Variants in PSMC3 observed in about 807,000 individuals in gnomAD.
The protein encoded by PSMC3 is proteasome 26S subunit, ATPase 3, also known as 26S proteasome regulatory subunit 6A.
In PSMC3, 11 loss-of-function variants were observed where a neutral mutation model predicts 52.0. The observed-to-expected ratio is 0.21, with a 90% CI of 0.13 to 0.35. The LOEUF (loss-of-function observed/expected upper bound fraction) is 0.35, where lower values mean the gene tolerates loss of function less well. PSMC3 is among the 10% of genes least tolerant of loss of function. PSMC3 has a pLI of 1.00. For synonymous variants in PSMC3, 201 were observed against 218.8 expected (o/e 0.92, Z 0.72); for missense variants, 238 against 567.1 (o/e 0.42, Z 5.89).
At position 47,424,046 on chromosome 11, in the gene PSMC3, C is replaced by T. The variant is rs751696824; in HGVS notation, c.591G>A (p.Glu197=). The part of the protein sequence containing the change: ...DIGGLDKQIQ[E]LVEAIVLPMN... ...CTGGCAGCTGCCGTGCCTCCCTCAC[C>T]TCCTGGATCTGCTTGTCCAAACCCC... Residue 197 remains glutamate (E), a splice_region_variant and synonymous_variant, in exon 6 of 12, where the codon GAG becomes GAA. Transcript: ENST00000298852. This position sits in a 1 kb window ranked among gnomAD's most constrained non-coding sequence, Gnocchi z 4.8. 6.2e-7 allele frequency: 1 copy of T among 1,614,200 alleles called. No individual in the cohort carries two copies. Among genetic ancestry groups the T allele is most frequent in the Non-Finnish European group, 8.5e-7 (1 of 1,180,054 alleles).
intron 11 of PSMC3, 78 bp from the exon 12 acceptor site, chr11:47,419,023 C>G (rs2096036669): frequency 6.2e-7 from 1 of 1,606,438 alleles, no homozygotes; most frequent in Admixed American, 1.7e-5. Flanking sequence ...GGCCTCTTCC[C>G]TCAGCCGTCT....
chr11:47,425,784 A>T, intron 2 of PSMC3, 83 bp downstream of exon 2: 1 of 1,268,184 alleles, frequency 7.9e-7, no homozygotes, highest in Non-Finnish European at 1.1e-6. Context: ...AGGGTGCCCG[A>T]TTAGGAAGTA....
At position 47,425,852 on chromosome 11, in the gene PSMC3, G is replaced by A. The variant is rs1421264429; in HGVS notation, c.159+15C>T. The A allele has an allele frequency of 1.9e-6, 3 of 1,610,204 alleles. No homozygotes were observed. The highest frequency in any genetic ancestry group is 2.5e-6 in the Non-Finnish European group (3 of 1,176,990). On this transcript the variant is annotated intron_variant, in intron 2 of 11. Transcript: ENST00000298852. The stretch of plus-strand genomic sequence containing the variant: ...TGTGGGGGCTCCATCGCCCGCACAG[G>A]AGCTGTGCGCCCACCTTGATCTCAC...
chr11:47,420,464 CA>C, intron 9 of PSMC3, 55 bp from the exon 10 acceptor site: 1 of 1,581,484 alleles, frequency 6.3e-7, no homozygotes, highest in Non-Finnish European at 8.6e-7. Flanking sequence ...GATGGGCAGA[CA>C]CGGTCAAAAA....
intron 10 of PSMC3, 42 bp downstream of exon 10, chr11:47,420,222 C>T (rs758886195): frequency 1.5e-5 from 24 of 1,603,594 alleles, no homozygotes; most frequent in East Asian, 6.7e-5. Context: ...CATCCTCCTG[C>T]GCCTGTTCAG....
rs2096038704 is a variant in PSMC3 at position 47,420,165 on chromosome 11, T to C, written c.1127+99A>G. On this transcript the variant is annotated intron_variant, in intron 10 of 11. Coordinates refer to ENST00000298852, the MANE Select transcript of PSMC3 (RefSeq NM_002804.5). ...TGTGTGCCTGGGGCCTGGGAGGTGG[T>C]GGTCGTGGAGGCTGGGGAAGATCAG... The C allele has an allele frequency of 4.2e-6, 6 of 1,413,852 alleles. No individual in the cohort carries two copies. The Admixed American group carries it at 7.0e-5, about 17-fold the overall frequency. 87.6% of individuals were successfully genotyped at this position (1,413,852 alleles called of 1,614,324 possible). A position where few individuals can be genotyped will look rare whatever the true frequency, so the allele number is the denominator to read the frequency against.
In PSMC3 at chr11:47,426,386, A is replaced by C. The variant is rs1335428218; in HGVS notation, c.-107T>G. The stretch of plus-strand genomic sequence containing the variant: ...TGACCAGTGGAAAACCTCTCCCCAC[A>C]AATCCCGACTCTTGACCCGACCAGC... On this transcript the variant is annotated 5_prime_UTR_variant, in exon 1 of 12. Transcript: ENST00000298852. 1.9e-6 allele frequency: 2 copies of C among 1,049,344 alleles called. No homozygotes were observed. Among genetic ancestry groups the C allele is most frequent in the African/African-American group, 3.2e-5 (2 of 61,676 alleles). 65.0% of individuals were successfully genotyped at this position (1,049,344 alleles called of 1,614,324 possible).
rs1044501923 is a variant in PSMC3 at position 47,422,094 on chromosome 11, G to A, written c.884+480C>T. ...AGTCTCACTCTTTCACCAGGCTGGA[G>A]TGCAGTGGCGCAATCTTGGCTCACT... On this transcript the variant is annotated intron_variant, in intron 8 of 11. Transcript: ENST00000298852. The surrounding 1 kb of genome is among the most constrained non-coding windows in gnomAD (Gnocchi z 4.3). Among the ~76,000 whole-genome samples the A allele has an allele frequency of 2.4e-4, 37 of 151,310 alleles. No individual in the cohort carries two copies. Among genetic ancestry groups the A allele is most frequent in the African/African-American group, 8.8e-4 (36 of 41,142 alleles).
intron 10 of PSMC3, among the ~76,000 whole-genome samples, chr11:47,419,884 T>C (rs181091318): frequency 2.0e-5 from 3 of 148,190 alleles, no homozygotes; most frequent in Admixed American, 2.0e-4. Flanking sequence ...AAAAAAAAAG[T>C]AAGGCTGAGA....
At position 47,426,404 on chromosome 11, in the gene PSMC3, C is replaced by G. The variant is rs7948705; in HGVS notation, c.-125G>C. ...TCCCCACAAATCCCGACTCTTGACC[C>G]GACCAGCTCCGGCCGTGCTGCGGAG... On this transcript the variant is annotated 5_prime_UTR_variant, in exon 1 of 12. Transcript: ENST00000298852. 246,868 of 820,364 alleles carry G rather than the reference C, an allele frequency of 0.3. 39,093 individuals carry two copies. The highest frequency in any genetic ancestry group is 0.42 in the African/African-American group (23,976 of 56,606). 50.8% of individuals were successfully genotyped at this position (820,364 alleles called of 1,614,324 possible). A position where few individuals can be genotyped will look rare whatever the true frequency, so the allele number is the denominator to read the frequency against.
intron 9 of PSMC3, 96 bp downstream of exon 9, chr11:47,420,535 C>A: frequency 2.0e-6 from 3 of 1,516,066 alleles, no homozygotes; most frequent in Non-Finnish European, 2.7e-6. Flanking sequence ...AGACAGATCC[C>A]AATTCTCATT....
Position 47,422,187 on chromosome 11 carries a change from C to T in PSMC3, c.884+387G>A, listed in dbSNP as rs189478902. Among the ~76,000 whole-genome samples, 72 of 152,132 alleles carry T rather than the reference C, an allele frequency of 4.7e-4. No individual in the cohort carries two copies. Among genetic ancestry groups the T allele is most frequent in the African/African-American group, 7.7e-4 (32 of 41,492 alleles). Reference sequence around the variant, plus strand: ...CCTCCCAGGCATCTGGGACTACAGGCGCCTGCTACCACGCCCAGCTAATTT... The same window carrying T: ...CCTCCCAGGCATCTGGGACTACAGGTGCCTGCTACCACGCCCAGCTAATTT... On this transcript the variant is annotated intron_variant, in intron 8 of 11. Coordinates refer to ENST00000298852, the MANE Select transcript of PSMC3 (RefSeq NM_002804.5). This position sits in a 1 kb window ranked among gnomAD's most constrained non-coding sequence, Gnocchi z 4.3.
intron 9 of PSMC3, 41 bp from the exon 10 acceptor site, chr11:47,420,450 C>A: frequency 6.3e-7 from 1 of 1,591,782 alleles, no homozygotes; most frequent in Non-Finnish European, 8.6e-7. Flanking sequence ...GCAAGGTGTT[C>A]ACAGATGGGC....
At chr11:47,421,145 C>T (rs537101864) in intron 8 of PSMC3, among the ~76,000 whole-genome samples, 11 of 148,142 alleles carry the variant, frequency 7.4e-5, no homozygotes, top group South Asian at 2.2e-4. Context: ...CTCAGCTACT[C>T]GGGACACTGA....
Position 47,424,008 on chromosome 11 carries a change from G to A in PSMC3, c.591+38C>T, listed in dbSNP as rs1414535372. On this transcript the variant is annotated intron_variant, in intron 6 of 11. Coordinates refer to ENST00000298852, the MANE Select transcript of PSMC3 (RefSeq NM_002804.5). The surrounding 1 kb of genome is among the most constrained non-coding windows in gnomAD (Gnocchi z 4.8). ...ATCAATGGCGTGGAGAAACTAAAAG[G>A]CTGACAAGGCTGCTGGCAGCTGCCG... 6.2e-7 allele frequency: 1 copy of A among 1,613,872 alleles called. No homozygotes were observed. Among genetic ancestry groups the A allele is most frequent in the Admixed American group, 1.7e-5 (1 of 60,016 alleles).
chr11:47,421,628 G>A (rs375316280), intron 8 of PSMC3, among the ~76,000 whole-genome samples: 1 of 150,136 alleles, frequency 6.7e-6, no homozygotes, highest in East Asian at 2.0e-4. Flanking sequence ...ATCCCAGGGA[G>A]CAACAGGGAG....
chr11:47,419,666 T>C (rs960353197), intron 10 of PSMC3, among the ~76,000 whole-genome samples: 5 of 152,172 alleles, frequency 3.3e-5, no homozygotes, highest in Admixed American at 2.0e-4. Flanking sequence ...AAGACCATTC[T>C]GGCTAACAAG....
At chr11:47,423,069 TCTAA>T in intron 6 of PSMC3, 96 bp from the exon 7 acceptor site, 1 of 1,288,310 alleles carries the variant, frequency 7.8e-7, no homozygotes, top group Non-Finnish European at 1.1e-6. Flanking sequence ...TCCCTCCTAC[TCTAA>T]CTCAGGGACA....
rs776130455 is a variant in PSMC3, at chr11:47,418,809, G to GT, written c.*25dup. 1 of 1,593,260 alleles carries GT rather than the reference G, an allele frequency of 6.3e-7. No individual in the cohort carries two copies. The highest frequency in any genetic ancestry group is 1.3e-5 in the African/African-American group (1 of 74,440). On this transcript the variant is annotated 3_prime_UTR_variant, in exon 12 of 12. Transcript: ENST00000298852. Reference sequence around the variant, plus strand: ...CCATCTTTTATTGCGCACTTCAGCCGTGAGACTGGGGCTGGCCTGTGTGCC... The same window carrying GT: ...CCATCTTTTATTGCGCACTTCAGCCGTTGAGACTGGGGCTGGCCTGTGTGCC...
Sources: gnomAD v4.1 joint callset for allele counts (sites outside exome capture counted in the v4.1 genomes callset) on GRCh38, gnomAD v4.1.1 for gene constraint, Gnocchi (gnomAD v3.1) non-coding constraint, MANE v1.5 for transcripts, NCBI Gene and HGNC (gene_info 2026-07-23, HGNC 2026-07-21) for gene names.